FLYWCH2: variants seen among roughly 807,000 people sequenced by gnomAD.
FLYWCH2 encodes the protein FLYWCH family member 2.
Under a neutral mutation model 6.0 loss-of-function variants are expected in FLYWCH2, and 2 were observed. That is an observed-to-expected ratio of 0.33 (90% CI 0.14 to 1.04). The LOEUF is 1.04. Among genes scored for constraint, FLYWCH2 ranks in the 50% least tolerant of loss-of-function variants. FLYWCH2 has a pLI of 0.45. For missense variants in FLYWCH2, 192 were observed against 183.4 expected, an observed-to-expected ratio of 1.05 and a Z score of -0.27; for synonymous variants, 87 against 79.3, an observed-to-expected ratio of 1.10 and a Z score of -0.52.
chr16:2,889,412 G>T (rs1298805304), intron 1 of FLYWCH2, among the ~76,000 whole-genome samples: 1 of 151,354 alleles, frequency 6.6e-6, no homozygotes. Flanking sequence ...GCATTTCACC[G>T]TGTTAGCCAG....
chr16:2,886,226 G>A (rs1301306484), intron 1 of FLYWCH2, among the ~76,000 whole-genome samples: 1 of 151,672 alleles, frequency 6.6e-6, no homozygotes, highest in Non-Finnish European at 1.5e-5. Context: ...TGATGCCCAG[G>A]CTGCAGTGCA....
At position 2,896,785 on chromosome 16, in the gene FLYWCH2, G is replaced by A; in HGVS notation, c.322+14G>A. On this transcript the variant is annotated intron_variant, in intron 3 of 3. Transcript: ENST00000396958. ...GGCAGGACCCAGGTGAGGCTCCACA[G>A]CGGCCCCCCAGGACAGCTCGGCACC... The A allele has an allele frequency of 3.1e-6, 5 of 1,604,732 alleles. No individual in the cohort carries two copies. Among genetic ancestry groups the A allele is most frequent in the Non-Finnish European group, 4.2e-6 (5 of 1,178,690 alleles).
In FLYWCH2 at chr16:2,899,278, T is replaced by C. The variant is rs1426820520; in HGVS notation, c.*129T>C. On this transcript the variant is annotated 3_prime_UTR_variant, in exon 4 of 4. Coordinates refer to ENST00000396958, the MANE Select transcript of FLYWCH2 (RefSeq NM_138439.3). ...TGTGTGATTTCTTTTCTTTTTTTTT[T>C]TTTTTTTAGATCAAGTATAAGTTAC... The C allele has an allele frequency of 1.7e-6, 1 of 580,426 alleles. No homozygotes were observed. Among genetic ancestry groups the C allele is most frequent in the Admixed American group, 3.8e-5 (1 of 26,354 alleles). The allele number at this position is 580,426 out of a possible 1,614,324, so 36.0% of individuals were successfully genotyped here. A position where few individuals can be genotyped will look rare whatever the true frequency, so the allele number is the denominator to read the frequency against.
At chr16:2,893,939 C>T (rs1439691461) in intron 1 of FLYWCH2, among the ~76,000 whole-genome samples, 1 of 152,158 alleles carries the variant, frequency 6.6e-6, no homozygotes, top group Non-Finnish European at 1.5e-5. Flanking sequence ...CGCCCGGCCC[C>T]TTTGGGGCCC....
intron 1 of FLYWCH2, among the ~76,000 whole-genome samples, chr16:2,892,133 A>G (rs2069764719): frequency 6.6e-6 from 1 of 152,196 alleles, no homozygotes; most frequent in African/African-American, 2.4e-5. Flanking sequence ...TGGAGGTTGC[A>G]GTGAGCTGAG....
chr16:2,898,036 G>A (rs543078164), intron 3 of FLYWCH2, among the ~76,000 whole-genome samples: 4 of 152,292 alleles, frequency 2.6e-5, no homozygotes, highest in African/African-American at 9.6e-5. Flanking sequence ...GCAGCCCATT[G>A]TGAGAAAAGG....
In FLYWCH2 at chr16:2,896,377, C is replaced by G; in HGVS notation, c.-73C>G. On this transcript the variant is annotated 5_prime_UTR_variant, in exon 3 of 4. Transcript: ENST00000396958. ...GACGGAACCGCTGGACTCCAGGTTC[C>G]TTGCCTGGGAGTAGGAGAAATCCAC... 3 of 1,504,582 alleles carry G rather than the reference C, an allele frequency of 2.0e-6. No homozygotes were observed. Among genetic ancestry groups the G allele is most frequent in the Non-Finnish European group, 2.7e-6 (3 of 1,132,072 alleles). The allele number at this position is 1,504,582 out of a possible 1,614,324, so 93.2% of individuals were successfully genotyped here.
intron 3 of FLYWCH2, among the ~76,000 whole-genome samples, chr16:2,898,480 G>C (rs1409041926): frequency 3.9e-5 from 6 of 152,194 alleles, no homozygotes; most frequent in Admixed American, 6.5e-5. Flanking sequence ...AGGCCACCAG[G>C]AGGTCCCTGC....
Position 2,899,285 on chromosome 16 carries a change from T to C in FLYWCH2, c.*136T>C. On this transcript the variant is annotated 3_prime_UTR_variant, in exon 4 of 4. Transcript: ENST00000396958. The stretch of plus-strand genomic sequence containing the variant: ...TTTCTTTTCTTTTTTTTTTTTTTTT[T>C]AGATCAAGTATAAGTTACTTTTGTA... The C allele has an allele frequency of 5.4e-6, 3 of 559,552 alleles. No homozygotes were observed. Among genetic ancestry groups the C allele is most frequent in the Non-Finnish European group, 9.1e-6 (3 of 330,206 alleles). The allele number at this position is 559,552 out of a possible 1,614,324, so 34.7% of individuals were successfully genotyped here. A position where few individuals can be genotyped will look rare whatever the true frequency, so the allele number is the denominator to read the frequency against.
rs1165165726 is a variant in FLYWCH2, at chr16:2,899,270, T to TTC, written c.*122_*123insCT. Reference sequence around the variant, plus strand: ...TTTAACATTGTGTGATTTCTTTTCTTTTTTTTTTTTTTTTTAGATCAAGTA... The same window carrying TTC: ...TTTAACATTGTGTGATTTCTTTTCTTTCTTTTTTTTTTTTTTTAGATCAAGTA... On this transcript the variant is annotated 3_prime_UTR_variant, in exon 4 of 4. Coordinates refer to ENST00000396958, the MANE Select transcript of FLYWCH2 (RefSeq NM_138439.3). 29 of 325,478 alleles carry TTC rather than the reference T, an allele frequency of 8.9e-5. No individual in the cohort carries two copies. Among genetic ancestry groups the TTC allele is most frequent in the East Asian group, 1.6e-4 (2 of 12,440 alleles). 20.2% of individuals were successfully genotyped at this position (325,478 alleles called of 1,614,324 possible).
At chr16:2,891,430 A>C (rs965345735) in intron 1 of FLYWCH2, among the ~76,000 whole-genome samples, 53 of 151,806 alleles carry the variant, frequency 3.5e-4, no homozygotes, top group African/African-American at 1.2e-3. Flanking sequence ...TTTGAGATGG[A>C]GTCTCGCCCT....
chr16:2,885,344 A>AAC lies in FLYWCH2; in HGVS notation c.-200+1979_-200+1980insCA, dbSNP rs1555476444. ...AAAAACAAAACAAAACAAAAAAAAA[A>AAC]ATATACAGTTCAGTGGCTTTAGTGT... On this transcript the variant is annotated intron_variant, in intron 1 of 3. Transcript: ENST00000396958. Among the ~76,000 whole-genome samples, 299 of 151,890 alleles carry AAC rather than the reference A, an allele frequency of 2.0e-3. 2 individuals carry two copies. Among genetic ancestry groups the AAC allele is most frequent in the East Asian group, 0.02 (101 of 5,162 alleles).
chr16:2,885,227 C>T (rs974772797), intron 1 of FLYWCH2, among the ~76,000 whole-genome samples: 1 of 152,006 alleles, frequency 6.6e-6, no homozygotes, highest in Admixed American at 6.6e-5. Context: ...GAGGCTGAGG[C>T]AGGAGAATGG....
At chr16:2,892,101 A>G (rs2069764396) in intron 1 of FLYWCH2, among the ~76,000 whole-genome samples, 2 of 151,896 alleles carry the variant, frequency 1.3e-5, no homozygotes, top group African/African-American at 4.8e-5. Context: ...CTGAGGCAGG[A>G]GAATTGCTTG....
chr16:2,884,566 A>AAAAAAAAAAC (rs2069676037), intron 1 of FLYWCH2, among the ~76,000 whole-genome samples: 2 of 144,160 alleles, frequency 1.4e-5, no homozygotes, highest in Admixed American at 1.4e-4. Context: ...ACTAAAAAAA[A>AAAAAAAAAAC]AAAAAAAAAA....
At chr16:2,885,047 G>A (rs1016759896) in intron 1 of FLYWCH2, among the ~76,000 whole-genome samples, 1 of 152,044 alleles carries the variant, frequency 6.6e-6, no homozygotes, top group South Asian at 2.1e-4. Flanking sequence ...TTTCGGCCGG[G>A]CGCGGTGGCT....
intron 1 of FLYWCH2, among the ~76,000 whole-genome samples, chr16:2,885,440 C>A (rs769985041): frequency 6.6e-6 from 1 of 152,154 alleles, no homozygotes; most frequent in Non-Finnish European, 1.5e-5. Flanking sequence ...AAGCACATAC[C>A]CACTAGTAGT....
chr16:2,896,614 G>A lies in FLYWCH2; in HGVS notation c.165G>A (p.Ala55=), dbSNP rs1269131322. The A allele has an allele frequency of 4.3e-6, 7 of 1,614,050 alleles. No individual in the cohort carries two copies. Among genetic ancestry groups the A allele is most frequent in the African/African-American group, 2.7e-5 (2 of 75,050 alleles). ...LTASKDSTKV[A]GAKRKGVHCV... Reference sequence around the variant, plus strand: ...CCTCCAAAGACAGCACCAAGGTGGCGGGGGCCAAGCGCAAGGGTGTGCACT... The same window carrying A: ...CCTCCAAAGACAGCACCAAGGTGGCAGGGGCCAAGCGCAAGGGTGTGCACT... Residue 55 remains alanine, a synonymous_variant, in exon 3 of 4, where the codon GCG becomes GCA. Transcript: ENST00000396958.
chr16:2,893,704 C>G (rs2069785438), intron 1 of FLYWCH2, among the ~76,000 whole-genome samples: 1 of 139,154 alleles, frequency 7.2e-6, no homozygotes, highest in African/African-American at 2.7e-5. Context: ...GTGGCACGAT[C>G]TCGGCTCACT....
Sources: gnomAD v4.1 joint callset for allele counts (sites outside exome capture counted in the v4.1 genomes callset) on GRCh38, gnomAD v4.1.1 for gene constraint, MANE v1.5 for transcripts, NCBI Gene and HGNC (gene_info 2026-07-23, HGNC 2026-07-21) for gene names.